KCTD19: variants seen among roughly 807,000 people sequenced by gnomAD.
The protein encoded by KCTD19 is potassium channel tetramerization domain containing 19.
A neutral mutation model predicts 103.5 loss-of-function variants in KCTD19; 67 were observed. The observed-to-expected ratio is 0.65, with a 90% CI of 0.53 to 0.79. The LOEUF (loss-of-function observed/expected upper bound fraction) is 0.79. Among genes scored for constraint, KCTD19 ranks in the 30% least tolerant of loss-of-function variants. The pLI, the probability that KCTD19 is intolerant of heterozygous loss-of-function variation, is 0.00. For missense variants in KCTD19, 980 were observed against 1,136.1 expected (o/e 0.86, Z 1.98); for synonymous variants, 439 against 452.2 (o/e 0.97, Z 0.37).
At chr16:67,297,412 A>G (rs2036777254) in intron 7 of KCTD19, 91 bp downstream of exon 7, 2 of 1,285,368 alleles carry the variant, frequency 1.6e-6, no homozygotes, top group African/African-American at 3.0e-5. Flanking sequence ...CTCCATCTAC[A>G]GTTCCTCGTC....
chr16:67,325,207 C>CTTTTTTTTTTTTTTTT (rs10695930), intron 1 of KCTD19, among the ~76,000 whole-genome samples: 22 of 113,152 alleles, frequency 1.9e-4, no homozygotes, highest in Non-Finnish European at 2.8e-4. Context: ...TTCTTTTTTT[C>CTTTTTTTTTTTTTTTT]TTTTTTTTTT....
chr16:67,309,733 C>T (rs572162211), intron 2 of KCTD19, among the ~76,000 whole-genome samples: 1 of 152,178 alleles, frequency 6.6e-6, no homozygotes, highest in East Asian at 1.9e-4. Flanking sequence ...GAGAGAAATC[C>T]CTGCCCAGGA....
At chr16:67,311,671 A>G (rs998069160) in intron 2 of KCTD19, among the ~76,000 whole-genome samples, 1 of 152,018 alleles carries the variant, frequency 6.6e-6, no homozygotes, top group Admixed American at 6.6e-5. Flanking sequence ...GAGAGAAAGC[A>G]TGTGGGGTGC....
At position 67,289,496 on chromosome 16, in the gene KCTD19, A is replaced by G. The variant is rs1451642083; in HGVS notation, c.*73T>C. 1 of 851,546 alleles carries G rather than the reference A, an allele frequency of 1.2e-6. No individual in the cohort carries two copies. The highest frequency in any genetic ancestry group is 2.0e-6 in the Non-Finnish European group (1 of 496,464). The allele number at this position is 851,546 out of a possible 1,614,324, so 52.7% of individuals were successfully genotyped here. A position where few individuals can be genotyped will look rare whatever the true frequency, so the allele number is the denominator to read the frequency against. On this transcript the variant is annotated 3_prime_UTR_variant, in exon 16 of 16. Transcript: ENST00000304372. ...CTGATATGTACCCTCTGATGGGCAC[A>G]TGCATTCTGGGCTATCTCCAATTAA...
intron 6 of KCTD19, among the ~76,000 whole-genome samples, chr16:67,299,014 T>G (rs1378338989): frequency 1.3e-5 from 2 of 152,224 alleles, no homozygotes; most frequent in Non-Finnish European, 2.9e-5. Context: ...GCGGAGGACC[T>G]TTGTAGAGGG....
At chr16:67,304,384 T>C in intron 3 of KCTD19, 37 bp downstream of exon 3, 1 of 1,607,088 alleles carries the variant, frequency 6.2e-7, no homozygotes, top group Non-Finnish European at 8.5e-7. Context: ...GGAAAGTTGG[T>C]GTGGGCTTTA....
rs201143823 is a variant in KCTD19 at position 67,299,413 on chromosome 16, G to A, written c.936C>T (p.Asp312=). ...TCCCTGTGATGTACAGTCGGCTTCC[G>A]TCTAGCGTGCTCTCGATGCGAAGCT... The part of the protein sequence containing the change: ...LGQLRIESTL[D]GSRLYITGNG... Residue 312 remains aspartate (D), a synonymous_variant, in exon 6 of 16, where the codon GAC becomes GAT. Transcript: ENST00000304372. 1.4e-4 allele frequency: 234 copies of A among 1,614,258 alleles called. 1 individual carries two copies. Among genetic ancestry groups the A allele is most frequent in the Admixed American group, 4.8e-4 (29 of 60,034 alleles).
chr16:67,319,504 A>G (rs974077758), intron 2 of KCTD19, among the ~76,000 whole-genome samples: 1 of 152,130 alleles, frequency 6.6e-6, no homozygotes, highest in Non-Finnish European at 1.5e-5. Flanking sequence ...AGGATGTTCA[A>G]TGGTCCTTCC....
intron 9 of KCTD19, 63 bp from the exon 10 acceptor site, chr16:67,295,119 G>C: frequency 6.4e-7 from 1 of 1,567,478 alleles, no homozygotes; most frequent in Non-Finnish European, 8.8e-7. Flanking sequence ...GGGAGCATGA[G>C]CTCCTGGAAC....
chr16:67,297,504 G>A lies in KCTD19; in HGVS notation c.1146C>T (p.Leu382=), dbSNP rs1211284082. 6.2e-7 allele frequency: 1 copy of A among 1,613,864 alleles called. No homozygotes were observed. The highest frequency in any genetic ancestry group is 1.7e-5 in the Admixed American group (1 of 59,996). Residue 382 remains leucine (L), a splice_region_variant and synonymous_variant, in exon 7 of 16, where the codon CTC becomes CTT. Transcript: ENST00000304372. ...AAACCTAGAAGCTTTCTCACTTACTGAGCACATCCATGGGTGCCAAAGTCC... is the reference window on the plus strand; with the variant it reads ...AAACCTAGAAGCTTTCTCACTTACTAAGCACATCCATGGGTGCCAAAGTCC... ...EPRTLAPMDV[L]NEWTAEITVY... is the part of the protein sequence containing the mutation.
At chr16:67,292,372 G>A (rs898772166) in intron 12 of KCTD19, among the ~76,000 whole-genome samples, 2 of 152,126 alleles carry the variant, frequency 1.3e-5, no homozygotes, top group Non-Finnish European at 2.9e-5. Flanking sequence ...TCTCTTCATT[G>A]CCCTGGCATC....
chr16:67,297,448 A>G (rs1276737871), intron 7 of KCTD19, 55 bp downstream of exon 7: 16 of 1,544,634 alleles, frequency 1.0e-5, no homozygotes, highest in African/African-American at 2.7e-5. Context: ...ATTCCCTCCA[A>G]TCTCCCAGAT....
intron 9 of KCTD19, 69 bp from the exon 10 acceptor site, chr16:67,295,125 G>A: frequency 6.4e-7 from 1 of 1,557,384 alleles, no homozygotes; most frequent in South Asian, 1.1e-5. Flanking sequence ...ATGAGCTCCT[G>A]GAACTGCCGC....
chr16:67,299,314 G>A (rs375648424), intron 6 of KCTD19, 49 bp downstream of exon 6: 59 of 1,559,326 alleles, frequency 3.8e-5, no homozygotes, highest in Non-Finnish European at 5.0e-5. Context: ...TAGAGGGAAG[G>A]GCAGAGCCAA....
In KCTD19 at chr16:67,319,459, A is replaced by C. The variant is rs1017556034; in HGVS notation, c.300+1130T>G. Among the ~76,000 whole-genome samples, 5 of 152,226 alleles carry C rather than the reference A, an allele frequency of 3.3e-5. No individual in the cohort carries two copies. The East Asian group carries it at 9.6e-4, about 29-fold the overall frequency. On this transcript the variant is annotated intron_variant, in intron 2 of 15. Transcript: ENST00000304372. Reference sequence around the variant, plus strand: ...TTGGGTTAGTGCTGATAGAGACGGAATAAACACCTTGTACAGATGGTAGGA... The same window carrying C: ...TTGGGTTAGTGCTGATAGAGACGGACTAAACACCTTGTACAGATGGTAGGA...
chr16:67,301,687 T>A lies in KCTD19; in HGVS notation c.775+104A>T, dbSNP rs1177098200. ...CAGCCAGAAAACCCAATCCTCTCACTAACCCCCAAAGCCCGAAGTGATTGT... is the reference window on the plus strand; with the variant it reads ...CAGCCAGAAAACCCAATCCTCTCACAAACCCCCAAAGCCCGAAGTGATTGT... On this transcript the variant is annotated intron_variant, in intron 5 of 15. Coordinates refer to ENST00000304372, the MANE Select transcript of KCTD19 (RefSeq NM_001100915.3). The A allele has an allele frequency of 1.0e-5, 11 of 1,095,114 alleles. No homozygotes were observed. The East Asian group carries it at 2.6e-4, about 26-fold the overall frequency. The allele number at this position is 1,095,114 out of a possible 1,614,324, so 67.8% of individuals were successfully genotyped here.
chr16:67,316,960 A>G (rs2037019530), intron 2 of KCTD19, among the ~76,000 whole-genome samples: 1 of 152,168 alleles, frequency 6.6e-6, no homozygotes, highest in Admixed American at 6.5e-5. Flanking sequence ...ATCATTCTAC[A>G]TGGCTTTCCA....
In KCTD19 at chr16:67,291,756, G is replaced by A. The variant is rs754061988; in HGVS notation, c.2300C>T (p.Pro767Leu). The A allele has an allele frequency of 1.2e-6, 2 of 1,614,122 alleles. No individual in the cohort carries two copies. Among genetic ancestry groups the A allele is most frequent in the Non-Finnish European group, 1.7e-6 (2 of 1,179,984 alleles). ...LGVILKVTHP[P>L]VVGSDGFCMF... ...GCAGAAGCCATCGCTGCCCACCACG[G>A]GGGGGTGAGTCACTTTGAGGATAAC... is the stretch of plus-strand genomic sequence containing the variant. The change falls in exon 13 of 16, where the codon CCC becomes CTC. Residue 767 changes from proline (P) to leucine (L), a missense_variant. By Grantham distance (98) the Pro-to-Leu change is moderately conservative. Transcript: ENST00000304372.
At chr16:67,296,609 A>G (rs1233308604) in intron 7 of KCTD19, among the ~76,000 whole-genome samples, 1 of 151,988 alleles carries the variant, frequency 6.6e-6, no homozygotes, top group Non-Finnish European at 1.5e-5. Flanking sequence ...GAAGCTAGGA[A>G]TCTCTCTCTG....
Sources: allele counts gnomAD v4.1 joint callset (sites outside exome capture counted in the v4.1 genomes callset), GRCh38; gene constraint gnomAD v4.1.1; transcripts MANE v1.5; gene names NCBI Gene and HGNC (gene_info 2026-07-23, HGNC 2026-07-21).